LAMA2: variants seen among roughly 807,000 people sequenced by gnomAD.
LAMA2 encodes the protein laminin subunit alpha-2.
A neutral mutation model predicts 364.8 loss-of-function variants in LAMA2; 269 were observed. The ratio of observed to expected loss-of-function variants is 0.74; its 90% CI spans 0.67 to 0.82. LAMA2 has a LOEUF of 0.82. LAMA2 is among the 40% of genes least tolerant of loss of function. The pLI is 0.00. For missense variants in LAMA2, 3,807 were observed against 3,873.2 expected (o/e 0.98, Z 0.45); for synonymous variants, 1,379 against 1,370.6 (o/e 1.01, Z -0.14).
intron 12 of LAMA2, among the ~76,000 whole-genome samples, chr6:129,206,090 A>G (rs13210824): frequency 0.1 from 11,387 of 110,998 alleles, 915 homozygotes; most frequent in Non-Finnish European, 0.14. Flanking sequence ...AGGAGGAAGG[A>G]AGGGAGGGAG....
chr6:129,158,612 G>A, intron 8 of LAMA2: 2 of 1,614,156 alleles, frequency 1.2e-6, no homozygotes, highest in South Asian at 1.1e-5. Context: ...AGCAGCTGGA[G>A]AAGATGATCA....
intron 41 of LAMA2, among the ~76,000 whole-genome samples, chr6:129,437,973 T>C (rs1392601884): frequency 1.3e-5 from 2 of 150,804 alleles, no homozygotes; most frequent in South Asian, 4.2e-4. Context: ...AGAAAACTTA[T>C]ATATGTAATA....
At chr6:129,164,166 A>G (rs1476846479) in intron 8 of LAMA2, among the ~76,000 whole-genome samples, 1 of 152,052 alleles carries the variant, frequency 6.6e-6, no homozygotes, top group African/African-American at 2.4e-5. Context: ...TATATATACT[A>G]TGTTTTTTCT....
chr6:129,455,026 A>AC (rs1782881225), intron 47 of LAMA2, among the ~76,000 whole-genome samples: 1 of 152,148 alleles, frequency 6.6e-6, no homozygotes, highest in African/African-American at 2.4e-5. Context: ...GGTGATACAT[A>AC]GAGTTTCATG....
At chr6:129,504,405 T>C (rs1785893078) in intron 60 of LAMA2, among the ~76,000 whole-genome samples, 1 of 152,252 alleles carries the variant, frequency 6.6e-6, no homozygotes, top group Non-Finnish European at 1.5e-5. Context: ...GATTTTATTT[T>C]TGATGGTTTT....
At chr6:129,309,711 G>A (rs557497951) in intron 22 of LAMA2, among the ~76,000 whole-genome samples, 59 of 152,188 alleles carry the variant, frequency 3.9e-4, no homozygotes, top group African/African-American at 1.4e-3. Flanking sequence ...TTGGCGGTGA[G>A]GTTAGTGGGT....
At chr6:129,183,528 T>C (rs531949005) in intron 10 of LAMA2, among the ~76,000 whole-genome samples, 1 of 152,104 alleles carries the variant, frequency 6.6e-6, no homozygotes, top group South Asian at 2.1e-4. Flanking sequence ...CTCTCCAGAA[T>C]GTTCTTGAGT....
intron 40 of LAMA2, among the ~76,000 whole-genome samples, chr6:129,426,594 G>T (rs1781338109): frequency 6.6e-6 from 1 of 151,846 alleles, no homozygotes; most frequent in South Asian, 2.1e-4. Context: ...AGAATAATTT[G>T]CCAAGGTTGT....
intron 35 of LAMA2, among the ~76,000 whole-genome samples, chr6:129,384,114 A>G (rs2114655858): frequency 6.6e-6 from 1 of 152,352 alleles, no homozygotes; most frequent in Admixed American, 6.5e-5. Context: ...CACCACTGCA[A>G]GAAGCAACAG....
intron 1 of LAMA2, among the ~76,000 whole-genome samples, chr6:128,998,183 G>A (rs952309143): frequency 6.6e-6 from 1 of 152,186 alleles, no homozygotes; most frequent in Admixed American, 6.5e-5. Context: ...TACATAAGGA[G>A]AGGTAGGAAG....
intron 1 of LAMA2, among the ~76,000 whole-genome samples, chr6:129,039,064 A>G (rs181239405): frequency 5.1e-4 from 78 of 152,374 alleles, no homozygotes; most frequent in Middle Eastern, 3.4e-3. Context: ...GAGTGGCATT[A>G]TATTCCAACT....
intron 38 of LAMA2, among the ~76,000 whole-genome samples, 160 bp downstream of exon 38, chr6:129,401,500 C>G (rs1779972044): frequency 6.6e-6 from 1 of 152,194 alleles, no homozygotes; most frequent in Admixed American, 6.5e-5. Flanking sequence ...TTGGTGACAA[C>G]TGGAATATCA....
chr6:128,929,969 CG>C, intron 1 of LAMA2: 4 of 650,416 alleles, frequency 6.1e-6, no homozygotes, highest in Non-Finnish European at 1.1e-5. Flanking sequence ...CCTCATCCTG[CG>C]GAGGCGATCT....
Position 129,445,725 on chromosome 6 carries a change from T to TA in LAMA2, c.6336dup (p.Leu2113ThrfsTer8), listed in dbSNP as rs780224418. ...AACAGGAAGCTGACCGGCTAATAGA[T>TA]AAACTCAAACCCATCAAGGAACTTG... is the stretch of plus-strand genomic sequence containing the variant. On this transcript the variant is annotated frameshift_variant, in exon 45 of 65. Coordinates refer to ENST00000421865, the MANE Select transcript of LAMA2 (RefSeq NM_000426.4). LOFTEE classifies it high-confidence loss of function. The TA allele has an allele frequency of 6.2e-7, 1 of 1,613,814 alleles. No homozygotes were observed. The highest frequency in any genetic ancestry group is 8.5e-7 in the Non-Finnish European group (1 of 1,179,838).
rs757654825 is a variant in LAMA2 at position 129,314,711 on chromosome 6, T to C, written c.3468T>C (p.Asp1156=). 9.3e-6 allele frequency: 15 copies of C among 1,613,888 alleles called. No individual in the cohort carries two copies. In the East Asian group the frequency reaches 3.3e-4, roughly 36 times the overall value. ...DRCRPGKFGL[D]AKNPLGCSSC... is the part of the protein sequence containing the mutation. The stretch of plus-strand genomic sequence containing the variant: ...GCCGGCCTGGCAAATTCGGACTCGA[T>C]GCCAAGAATCCACTTGGCTGCAGCA... Residue 1156 remains aspartate, a synonymous_variant, in exon 24 of 65, where the codon GAT becomes GAC. Transcript: ENST00000421865.
chr6:128,960,438 C>T (rs1379854667), intron 1 of LAMA2, among the ~76,000 whole-genome samples: 1 of 151,136 alleles, frequency 6.6e-6, no homozygotes, highest in Non-Finnish European at 1.5e-5. Flanking sequence ...TCCCAGGTTC[C>T]AGCGATTCTC....
chr6:129,220,695 A>G (rs925042585), intron 12 of LAMA2, among the ~76,000 whole-genome samples: 22 of 152,354 alleles, frequency 1.4e-4, no homozygotes, highest in African/African-American at 5.3e-4. Context: ...AATTAGCATC[A>G]GAAAATTTAT....
intron 34 of LAMA2, among the ~76,000 whole-genome samples, chr6:129,374,896 C>G (rs1041996977): frequency 1.3e-5 from 2 of 151,744 alleles, no homozygotes; most frequent in East Asian, 3.9e-4. Context: ...TACTGCCAAT[C>G]TTTGTTATGC....
At position 129,443,088 on chromosome 6, in the gene LAMA2, T is replaced by A; in HGVS notation, c.6274+20T>A. 1 of 1,577,976 alleles carries A rather than the reference T, an allele frequency of 6.3e-7. No individual in the cohort carries two copies. The highest frequency in any genetic ancestry group is 1.2e-5 in the South Asian group (1 of 86,592). ...AAATCAGTACGTATATGTTTACTTATATACCTTTTAGTAACGCTCATGCTT... is the reference window on the plus strand; with the variant it reads ...AAATCAGTACGTATATGTTTACTTAAATACCTTTTAGTAACGCTCATGCTT... On this transcript the variant is annotated intron_variant, in intron 44 of 64. Coordinates refer to ENST00000421865, the MANE Select transcript of LAMA2 (RefSeq NM_000426.4).
Sources: allele counts gnomAD v4.1 joint callset (sites outside exome capture counted in the v4.1 genomes callset), GRCh38; gene constraint gnomAD v4.1.1; transcripts MANE v1.5; gene names NCBI Gene and HGNC (gene_info 2026-07-23, HGNC 2026-07-21).